The following SLC6A7 variants were observed in gnomAD, a reference collection of about 807,000 sequenced individuals.
SLC6A7 encodes solute carrier family 6 member 7, also known as sodium-dependent proline transporter.
SLC6A7 carries 58 observed loss-of-function variants against 73.1 expected under a neutral mutation model. The observed-to-expected ratio is 0.79, with a 90% CI of 0.64 to 0.99. The LOEUF is 0.99. SLC6A7 is among the 50% of genes least tolerant of loss of function. SLC6A7 has a pLI of 0.00. For missense variants in SLC6A7, 783 were observed against 831.4 expected, an observed-to-expected ratio of 0.94 and a Z score of 0.72; for synonymous variants, 338 against 338.7, an observed-to-expected ratio of 1.00 and a Z score of 0.02.
Position 150,201,205 on chromosome 5 carries a change from C to T in SLC6A7, c.840C>T (p.His280=), listed in dbSNP as rs143233713. ...AGTTCTATCTCACCCCCCAGTTCCA[C>T]CACTTGTTGTCTTCCAAGGTGAGCC... ...GIQFYLTPQF[H]HLLSSKVWIE... is the part of the protein sequence containing the mutation. The change falls in exon 6 of 14, where the codon CAC becomes CAT. Residue 280 remains histidine, a synonymous_variant. Coordinates refer to ENST00000230671, the MANE Select transcript of SLC6A7 (RefSeq NM_014228.5). 2 of 1,611,944 alleles carry T rather than the reference C, an allele frequency of 1.2e-6. No homozygotes were observed. The highest frequency in any genetic ancestry group is 1.7e-6 in the Non-Finnish European group (2 of 1,179,032).
rs929828917 is a variant in SLC6A7, at chr5:150,209,816, G to A, written c.*201G>A. Reference sequence around the variant, plus strand: ...TGACAACCCCCTACACACACACACAGGCATACTCAGACCCACTCAAAGCTG... The same window carrying A: ...TGACAACCCCCTACACACACACACAAGCATACTCAGACCCACTCAAAGCTG... On this transcript the variant is annotated 3_prime_UTR_variant, in exon 14 of 14. Coordinates refer to ENST00000230671, the MANE Select transcript of SLC6A7 (RefSeq NM_014228.5). The A allele has an allele frequency of 1.7e-6, 1 of 596,900 alleles. No individual in the cohort carries two copies. Among genetic ancestry groups the A allele is most frequent in the African/African-American group, 1.9e-5 (1 of 53,724 alleles). 37.0% of individuals were successfully genotyped at this position (596,900 alleles called of 1,614,324 possible).
chr5:150,192,308 T>A (rs1257914699), intron 1 of SLC6A7, among the ~76,000 whole-genome samples: 1 of 152,166 alleles, frequency 6.6e-6, no homozygotes, highest in Non-Finnish European at 1.5e-5. Context: ...TCTCTCTCTG[T>A]CCTGAAGAGT....
intron 3 of SLC6A7, 89 bp from the exon 4 acceptor site, chr5:150,196,953 C>A: frequency 1.3e-6 from 2 of 1,526,526 alleles, no homozygotes; most frequent in South Asian, 1.2e-5. Context: ...GGAAGTGAAG[C>A]CCAGATAGCT....
chr5:150,190,197 C>T lies in SLC6A7; in HGVS notation c.-131C>T. On this transcript the variant is annotated 5_prime_UTR_variant, in exon 1 of 14. Transcript: ENST00000230671. ...GCCCGCAGCCGCCAGACGGCAGCGCCTGCGTCCGTGCCCGCCCCAGCCGGT... is the reference window on the plus strand; with the variant it reads ...GCCCGCAGCCGCCAGACGGCAGCGCTTGCGTCCGTGCCCGCCCCAGCCGGT... The T allele has an allele frequency of 1.4e-6, 1 of 703,126 alleles. No homozygotes were observed. Among genetic ancestry groups the T allele is most frequent in the Non-Finnish European group, 2.2e-6 (1 of 453,958 alleles). The allele number at this position is 703,126 out of a possible 1,614,324, so 43.6% of individuals were successfully genotyped here.
Position 150,209,531 on chromosome 5 carries a change from C to G in SLC6A7, c.1827C>G (p.Arg609=). 1 of 1,614,190 alleles carries G rather than the reference C, an allele frequency of 6.2e-7. No individual in the cohort carries two copies. The highest frequency in any genetic ancestry group is 8.5e-7 in the Non-Finnish European group (1 of 1,180,030). The change falls in exon 14 of 14, where the codon CGC becomes CGG. Residue 609 remains arginine (R), a synonymous_variant. Transcript: ENST00000230671. ...CAAAGCCACTGATGGTGCACATGCG[C>G]AAGTACGGGGGCATCACCAGCTTCG... is the stretch of plus-strand genomic sequence containing the variant. ...QSPKPLMVHM[R]KYGGITSFEN... is the part of the protein sequence containing the mutation.
At position 150,204,049 on chromosome 5, in the gene SLC6A7, C is replaced by G. The variant is rs945596736; in HGVS notation, c.1332+11C>G. ...ATCCTCACCACTGATGTGAGTGGCG[C>G]TACAGGGAGGATGGCAGGTGGGCGG... On this transcript the variant is annotated intron_variant, in intron 10 of 13. Transcript: ENST00000230671. The G allele has an allele frequency of 6.2e-7, 1 of 1,611,054 alleles. No individual in the cohort carries two copies. The highest frequency in any genetic ancestry group is 8.5e-7 in the Non-Finnish European group (1 of 1,178,454).
At chr5:150,208,251 C>T (rs1048607751) in intron 13 of SLC6A7, among the ~76,000 whole-genome samples, 3 of 151,912 alleles carry the variant, frequency 2.0e-5, no homozygotes, top group African/African-American at 4.8e-5. Context: ...CCAGGATGGT[C>T]AGAGAAGACC....
intron 11 of SLC6A7, 79 bp from the exon 12 acceptor site, chr5:150,204,748 G>A (rs1753591640): frequency 4.5e-6 from 6 of 1,339,188 alleles, no homozygotes; most frequent in Non-Finnish European, 6.4e-6. Context: ...TCCAGTGGGG[G>A]CAGCTGGGGT....
rs957437289 is a variant in SLC6A7 at position 150,199,508 on chromosome 5, G to T, written c.723+142G>T. 6.6e-6 allele frequency: 4 copies of T among 605,398 alleles called. No individual in the cohort carries two copies. In the African/African-American group the frequency reaches 7.4e-5, roughly 11 times the overall value. The allele number at this position is 605,398 out of a possible 1,614,324, so 37.5% of individuals were successfully genotyped here. On this transcript the variant is annotated intron_variant, in intron 5 of 13. Coordinates refer to ENST00000230671, the MANE Select transcript of SLC6A7 (RefSeq NM_014228.5). Reference sequence around the variant, plus strand: ...AAGGGAGAGAGCCTTGAGACTGGGGGATGAGGGCTGCTTGAAGAGAGACAT... The same window carrying T: ...AAGGGAGAGAGCCTTGAGACTGGGGTATGAGGGCTGCTTGAAGAGAGACAT...
At chr5:150,209,200 T>A (rs555770525) in intron 13 of SLC6A7, among the ~76,000 whole-genome samples, 1 of 152,350 alleles carries the variant, frequency 6.6e-6, no homozygotes, top group South Asian at 2.1e-4. Context: ...GCCATCCAGC[T>A]TGCAAGTGGT....
chr5:150,204,789 G>T (rs375511135), intron 11 of SLC6A7, 38 bp from the exon 12 acceptor site: 1 of 1,467,310 alleles, frequency 6.8e-7, no homozygotes, highest in Non-Finnish European at 9.5e-7. Flanking sequence ...TTGTGGGGCC[G>T]GCGGGTGGGG....
In SLC6A7 at chr5:150,204,532, G is replaced by C. The variant is rs763263062; in HGVS notation, c.1333G>C (p.Gly445Arg). 1.1e-5 allele frequency: 18 copies of C among 1,612,416 alleles called. No individual in the cohort carries two copies. The highest frequency in any genetic ancestry group is 1.6e-4 in the Middle Eastern group (1 of 6,078). ...YLMGLILTTD[G>R]GMYWLVLLDD... ...CACCAGAACTGTGCTTGTGTTTTAG[G>C]GGGGCATGTACTGGCTGGTCCTTCT... The change falls in exon 11 of 14, where the codon GGG (glycine) becomes CGG (arginine). Residue 445 changes from glycine (G) to arginine (R), a missense_variant and splice_region_variant. By Grantham distance (125) the Gly-to-Arg change is moderately radical. Transcript: ENST00000230671.
intron 1 of SLC6A7, among the ~76,000 whole-genome samples, chr5:150,193,650 C>T (rs544286578): frequency 6.6e-6 from 1 of 152,170 alleles, no homozygotes; most frequent in African/African-American, 2.4e-5. Flanking sequence ...CTCAGGGGAA[C>T]CCCCAGGTCC....
At chr5:150,190,756 A>T (rs1250969421) in intron 1 of SLC6A7, among the ~76,000 whole-genome samples, 1 of 152,070 alleles carries the variant, frequency 6.6e-6, no homozygotes. Flanking sequence ...AGCTGGACTC[A>T]TCTGAGGGGT....
intron 2 of SLC6A7, 161 bp downstream of exon 2, chr5:150,195,072 T>C (rs2113968095): frequency 1.7e-6 from 1 of 599,146 alleles, no homozygotes; most frequent in East Asian, 2.8e-5. Flanking sequence ...GGAAGGAGTT[T>C]ACCCTGTCTT....
chr5:150,203,723 C>A lies in SLC6A7; in HGVS notation c.1144C>A (p.Pro382Thr). Residue 382 changes from proline (P) to threonine (T), a missense_variant, in exon 9 of 14, where the codon CCC becomes ACC. Coordinates refer to ENST00000230671, the MANE Select transcript of SLC6A7 (RefSeq NM_014228.5). ...GGCCATGACCATGCTGCCTCTGTCA[C>A]CCTTCTGGTCCTTTCTCTTCTTCTT... ...PQAMTMLPLS[P>T]FWSFLFFFML... The A allele has an allele frequency of 6.2e-7, 1 of 1,613,040 alleles. No homozygotes were observed. Among genetic ancestry groups the A allele is most frequent in the Non-Finnish European group, 8.5e-7 (1 of 1,179,124 alleles).
At chr5:150,191,710 G>A (rs760403916) in intron 1 of SLC6A7, among the ~76,000 whole-genome samples, 16 of 152,160 alleles carry the variant, frequency 1.1e-4, no homozygotes, top group Non-Finnish European at 1.9e-4. Flanking sequence ...GATTACAGGT[G>A]TGAGTCACTG....
intron 5 of SLC6A7, 38 bp downstream of exon 5, chr5:150,199,404 A>T (rs1337394421): frequency 1.3e-6 from 2 of 1,516,906 alleles, no homozygotes; most frequent in Admixed American, 3.4e-5. Context: ...GAGGGGCTGG[A>T]TGGGGTGAAG....
chr5:150,196,604 T>G (rs375045473), intron 2 of SLC6A7, 112 bp from the exon 3 acceptor site: 2 of 1,030,808 alleles, frequency 1.9e-6, no homozygotes, highest in African/African-American at 1.6e-5. Context: ...AAACCTACAG[T>G]GTTCCATCAG....
Sources: allele counts gnomAD v4.1 joint callset (sites outside exome capture counted in the v4.1 genomes callset), GRCh38; gene constraint gnomAD v4.1.1; transcripts MANE v1.5; gene names NCBI Gene and HGNC (gene_info 2026-07-23, HGNC 2026-07-21).